Variants in TRDN observed in about 807,000 individuals in gnomAD.
TRDN encodes the protein triadin in skeletal muscle.
Under a neutral mutation model 149.7 loss-of-function variants are expected in TRDN, and 161 were observed. That is an observed-to-expected ratio of 1.08 (90% CI 0.95 to 1.23). The LOEUF is 1.23. Among genes scored for constraint, TRDN ranks in the 50% most tolerant of loss-of-function variants. The pLI, the probability that TRDN is intolerant of heterozygous loss-of-function variation, is 0.00. For synonymous variants in TRDN, 294 were observed against 250.5 expected (o/e 1.17, Z -1.64); for missense variants, 896 against 823.5 (o/e 1.09, Z -1.08).
intron 7 of TRDN, chr6:123,510,054 T>A (rs564892705): frequency 6.6e-6 from 1 of 152,288 alleles, no homozygotes; most frequent in Non-Finnish European, 1.5e-5. Context: ...TGATTTCATG[T>A]ATATGTAATG....
rs555611314 is a variant in TRDN at position 123,456,258 on chromosome 6, C to T, written c.931+8648G>A. 9.9e-5 allele frequency among the ~76,000 whole-genome samples: 15 copies of T among 152,084 alleles called. No homozygotes were observed. The South Asian group carries it at 2.7e-3, about 27-fold the overall frequency. ...CATTCTTAAAATAGAAGCAAGTGCC[C>T]ATATAAAGACCACAACTTTTTAAGT... On this transcript the variant is annotated intron_variant, in intron 10 of 40. Coordinates refer to ENST00000334268, the MANE Select transcript of TRDN (RefSeq NM_006073.4).
chr6:123,412,786 T>TA (rs1026882628), intron 12 of TRDN, among the ~76,000 whole-genome samples: 5 of 151,986 alleles, frequency 3.3e-5, no homozygotes, highest in African/African-American at 1.2e-4. Flanking sequence ...TATCAATTTT[T>TA]AAAAAAATTC....
intron 10 of TRDN, chr6:123,464,688 G>A: frequency 7.6e-7 from 1 of 1,311,172 alleles, no homozygotes; most frequent in Non-Finnish European, 9.8e-7. Context: ...CATCCTTCTG[G>A]AAGCTGAGGG....
intron 24 of TRDN, among the ~76,000 whole-genome samples, chr6:123,301,754 TATATATATATATATAC>T (rs144766206): frequency 0.026 from 1,737 of 66,276 alleles, 73 homozygotes; most frequent in East Asian, 0.2. Flanking sequence ...TATATATACA[TATATATATATATATAC>T]ATATATATAT....
chr6:123,571,597 TAA>T (rs1238629717), intron 1 of TRDN, among the ~76,000 whole-genome samples: 1 of 152,052 alleles, frequency 6.6e-6, no homozygotes, highest in Non-Finnish European at 1.5e-5. Context: ...TTCCTGATTT[TAA>T]GAGTCCACAT....
chr6:123,586,519 C>T (rs926351683), intron 1 of TRDN, among the ~76,000 whole-genome samples: 3 of 152,056 alleles, frequency 2.0e-5, no homozygotes, highest in Non-Finnish European at 2.9e-5. Flanking sequence ...ATGTCAGGCA[C>T]CTCAGACCAT....
chr6:123,271,099 A>T (rs1777191463), intron 30 of TRDN, 40 bp downstream of exon 30: 1 of 1,326,086 alleles, frequency 7.5e-7, no homozygotes, highest in Non-Finnish European at 1.0e-6. Context: ...CACATAACAT[A>T]TAATGAGACA....
At chr6:123,591,872 A>C (rs1384995237) in intron 1 of TRDN, among the ~76,000 whole-genome samples, 2 of 152,222 alleles carry the variant, frequency 1.3e-5, no homozygotes, top group African/African-American at 4.8e-5. Flanking sequence ...AAACACAAAT[A>C]ATACTTTATA....
chr6:123,433,900 A>T (rs560828208), intron 12 of TRDN: 1 of 152,206 alleles, frequency 6.6e-6, no homozygotes, highest in African/African-American at 2.4e-5. Flanking sequence ...AGACAAGTCA[A>T]CTTGTTAATT....
At chr6:123,235,024 C>T (rs1775734048) in intron 38 of TRDN, among the ~76,000 whole-genome samples, 1 of 152,008 alleles carries the variant, frequency 6.6e-6, no homozygotes, top group Non-Finnish European at 1.5e-5. Flanking sequence ...CTTCATATTT[C>T]TCCCCCCAAA....
In TRDN at chr6:123,516,224, A is replaced by G; in HGVS notation, c.485-18T>C. 2.7e-6 allele frequency: 4 copies of G among 1,464,392 alleles called. No individual in the cohort carries two copies. The highest frequency in any genetic ancestry group is 3.6e-6 in the Non-Finnish European group (4 of 1,099,086). 90.7% of individuals were successfully genotyped at this position (1,464,392 alleles called of 1,614,324 possible). A position where few individuals can be genotyped will look rare whatever the true frequency, so the allele number is the denominator to read the frequency against. On this transcript the variant is annotated intron_variant, in intron 5 of 40. Transcript: ENST00000334268. The stretch of plus-strand genomic sequence containing the variant: ...GTGTGTAACTGAAAAGAAACAGATA[A>G]ATAGTTTTCATTTAAATAACAGGAA...
At chr6:123,493,903 G>A (rs1251498086) in intron 9 of TRDN, among the ~76,000 whole-genome samples, 1 of 151,966 alleles carries the variant, frequency 6.6e-6, no homozygotes, top group African/African-American at 2.4e-5. Flanking sequence ...TCCATGTTTT[G>A]TATTGCCACA....
At chr6:123,483,473 G>A (rs943636383) in intron 9 of TRDN, among the ~76,000 whole-genome samples, 2 of 151,930 alleles carry the variant, frequency 1.3e-5, no homozygotes, top group Admixed American at 6.6e-5. Flanking sequence ...TGAAAAAAAT[G>A]GCCAAATAAA....
intron 26 of TRDN, among the ~76,000 whole-genome samples, chr6:123,276,349 G>C (rs1413119703): frequency 1.4e-4 from 21 of 152,098 alleles, no homozygotes; most frequent in Admixed American, 1.4e-3. Context: ...AAAAAACTTA[G>C]CTTAATTGTG....
intron 12 of TRDN, among the ~76,000 whole-genome samples, chr6:123,408,443 C>T (rs1255717791): frequency 3.3e-5 from 5 of 151,914 alleles, no homozygotes; most frequent in Non-Finnish European, 5.9e-5. Context: ...TTTGGGAGGC[C>T]GAGGTGGGTG....
chr6:123,380,236 A>G (rs1380938879), intron 16 of TRDN, among the ~76,000 whole-genome samples: 1 of 152,212 alleles, frequency 6.6e-6, no homozygotes, highest in African/African-American at 2.4e-5. Flanking sequence ...TATTAAGTGC[A>G]TCAGTGCCCT....
chr6:123,388,640 TA>T, intron 13 of TRDN, 89 bp from the exon 14 acceptor site: 1 of 1,439,010 alleles, frequency 6.9e-7, no homozygotes, highest in Non-Finnish European at 9.5e-7. Flanking sequence ...CACATATTCA[TA>T]AATTCAGTGG....
chr6:123,455,406 CTGTGTG>C (rs71751722), intron 10 of TRDN, among the ~76,000 whole-genome samples: 2,729 of 145,696 alleles, frequency 0.019, 82 homozygotes, highest in African/African-American at 0.061. Context: ...AAGGCAACCA[CTGTGTG>C]TGTGTGTGTG....
chr6:123,223,998 G>T, intron 39 of TRDN, 95 bp downstream of exon 39: 1 of 1,153,886 alleles, frequency 8.7e-7, no homozygotes, highest in Non-Finnish European at 1.2e-6. Context: ...CTTAAGACTA[G>T]ATCAAGAATA....
Sources: allele counts gnomAD v4.1 joint callset (sites outside exome capture counted in the v4.1 genomes callset), GRCh38; gene constraint gnomAD v4.1.1; transcripts MANE v1.5; gene names NCBI Gene and HGNC (gene_info 2026-07-23, HGNC 2026-07-21).